Variants in ASTN2 observed in about 807,000 individuals in gnomAD.
ASTN2 encodes astrotactin 2.
ASTN2 carries 54 observed loss-of-function variants against 139.8 expected under a neutral mutation model. The ratio of observed to expected loss-of-function variants is 0.39; its 90% CI spans 0.31 to 0.48. The LOEUF (loss-of-function observed/expected upper bound fraction) is 0.48, where lower values mean the gene tolerates loss of function less well. Among genes scored for constraint, ASTN2 ranks in the 20% least tolerant of loss-of-function variants. The pLI is 0.95. For synonymous variants in ASTN2, 756 were observed against 719.5 expected (o/e 1.05, Z -0.81); for missense variants, 1,565 against 1,725.1 (o/e 0.91, Z 1.64).
chr9:116,498,839 T>G (rs1051600070), intron 19 of ASTN2, among the ~76,000 whole-genome samples: 4 of 152,200 alleles, frequency 2.6e-5, no homozygotes, highest in African/African-American at 9.7e-5. Context: ...TGAAGGATCT[T>G]TAATAACCTG....
chr9:117,010,949 C>G (rs917725649), intron 6 of ASTN2, among the ~76,000 whole-genome samples: 3 of 152,102 alleles, frequency 2.0e-5, no homozygotes, highest in Admixed American at 6.5e-5. Flanking sequence ...TGGTCCCTTT[C>G]AAAGGAAGGC....
chr9:117,031,960 T>C (rs537902305), intron 6 of ASTN2, among the ~76,000 whole-genome samples: 2 of 152,286 alleles, frequency 1.3e-5, no homozygotes, highest in South Asian at 4.1e-4. Context: ...GATATTTTCA[T>C]TGTAAAAGAT....
chr9:117,409,383 A>C (rs1831097488), intron 1 of ASTN2, among the ~76,000 whole-genome samples: 1 of 152,212 alleles, frequency 6.6e-6, no homozygotes, highest in East Asian at 1.9e-4. Flanking sequence ...CAAACCAGAA[A>C]GCAATAAGGG....
chr9:117,106,792 GTCTA>G (rs543570500), intron 4 of ASTN2, among the ~76,000 whole-genome samples: 89 of 144,370 alleles, frequency 6.2e-4, no homozygotes, highest in East Asian at 1.9e-3. Context: ...CTATCTATCT[GTCTA>G]TCTATCTATC....
intron 10 of ASTN2, among the ~76,000 whole-genome samples, chr9:116,971,482 T>C (rs1836199092): frequency 6.6e-6 from 1 of 152,238 alleles, no homozygotes; most frequent in Non-Finnish European, 1.5e-5. Context: ...CCTAGGGCAC[T>C]CTATGTTTAC....
chr9:116,766,199 A>T (rs10759855), intron 13 of ASTN2, among the ~76,000 whole-genome samples: 2 of 151,762 alleles, frequency 1.3e-5, no homozygotes, highest in African/African-American at 2.4e-5. Flanking sequence ...GACAACCCCC[A>T]CTGGGCCAAA....
At chr9:116,837,116 T>C (rs192234069) in intron 11 of ASTN2, among the ~76,000 whole-genome samples, 1 of 152,228 alleles carries the variant, frequency 6.6e-6, no homozygotes, top group Non-Finnish European at 1.5e-5. Context: ...CTGAAGTTAG[T>C]GAATCCAGTT....
intron 13 of ASTN2, among the ~76,000 whole-genome samples, chr9:116,741,583 T>A (rs1192170011): frequency 6.6e-6 from 1 of 152,182 alleles, no homozygotes; most frequent in African/African-American, 2.4e-5. Context: ...GAGACCTGTG[T>A]TCTCATCTTG....
intron 13 of ASTN2, among the ~76,000 whole-genome samples, chr9:116,784,466 T>C (rs1006867989): frequency 1.3e-5 from 2 of 152,234 alleles, no homozygotes; most frequent in Admixed American, 6.5e-5. Flanking sequence ...AATTATTGAC[T>C]AAGGTCATGT....
intron 3 of ASTN2, among the ~76,000 whole-genome samples, chr9:117,177,365 TGAAGTG>T (rs1343718099): frequency 6.6e-6 from 1 of 152,220 alleles, no homozygotes; most frequent in Non-Finnish European, 1.5e-5. Context: ...CCTACAGCTG[TGAAGTG>T]GAGAAACCTG....
chr9:116,841,504 C>A (rs1024496887), intron 11 of ASTN2, among the ~76,000 whole-genome samples: 4 of 152,096 alleles, frequency 2.6e-5, no homozygotes, highest in African/African-American at 9.7e-5. Context: ...CCTCCCAAAG[C>A]CCTGGAATTA....
chr9:116,623,114 G>A (rs1450994084), intron 17 of ASTN2, among the ~76,000 whole-genome samples: 2 of 147,968 alleles, frequency 1.4e-5, no homozygotes, highest in African/African-American at 4.9e-5. Context: ...AGGTTGCACT[G>A]GACCCCAGCA....
chr9:116,493,263 G>A (rs1208067103), intron 19 of ASTN2, among the ~76,000 whole-genome samples: 1 of 152,118 alleles, frequency 6.6e-6, no homozygotes, highest in Admixed American at 6.5e-5. Flanking sequence ...CTTGTTAGGG[G>A]CTTATGGTAG....
intron 2 of ASTN2, among the ~76,000 whole-genome samples, chr9:117,239,448 G>A (rs1021032515): frequency 1.3e-5 from 2 of 152,202 alleles, no homozygotes; most frequent in Admixed American, 6.5e-5. Flanking sequence ...GCAGGCAGAT[G>A]TTGGCAACAT....
At chr9:116,658,887 A>G (rs904190705) in intron 16 of ASTN2, among the ~76,000 whole-genome samples, 1 of 152,064 alleles carries the variant, frequency 6.6e-6, no homozygotes, top group Non-Finnish European at 1.5e-5. Context: ...AGATTTGATT[A>G]AAATATTGGA....
chr9:116,478,991 CAAAAAAAA>C (rs34860380), intron 20 of ASTN2, among the ~76,000 whole-genome samples: 73 of 61,002 alleles, frequency 1.2e-3, no homozygotes, highest in African/African-American at 3.9e-3. Context: ...GACTGTGCCT[CAAAAAAAA>C]AAAAAAAAAA....
chr9:116,845,286 G>T (rs546462906), intron 11 of ASTN2, among the ~76,000 whole-genome samples: 3 of 152,090 alleles, frequency 2.0e-5, no homozygotes, highest in Admixed American at 6.5e-5. Flanking sequence ...GGCTAATTTT[G>T]TTTCTCTTAT....
At chr9:117,406,484 C>T (rs1037804049) in intron 1 of ASTN2, among the ~76,000 whole-genome samples, 1 of 152,072 alleles carries the variant, frequency 6.6e-6, no homozygotes, top group Admixed American at 6.6e-5. Context: ...TCCTGCCACC[C>T]CCCTCCTCCA....
At chr9:116,576,721 C>T (rs1853737463) in intron 19 of ASTN2, among the ~76,000 whole-genome samples, 1 of 152,142 alleles carries the variant, frequency 6.6e-6, no homozygotes, top group African/African-American at 2.4e-5. Context: ...CTTCTTACCC[C>T]CTTCCCAAAT....
Sources: gnomAD v4.1 joint callset for allele counts (sites outside exome capture counted in the v4.1 genomes callset) on GRCh38, gnomAD v4.1.1 for gene constraint, MANE v1.5 for transcripts, NCBI Gene and HGNC (gene_info 2026-07-23, HGNC 2026-07-21) for gene names.